The following FBL variants were observed in gnomAD, a reference collection of about 807,000 sequenced individuals.
FBL encodes fibrillarin rRNA 2'-O-methyltransferase, also known as rRNA 2'-O-methyltransferase fibrillarin.
In FBL, 10 loss-of-function variants were observed where a neutral mutation model predicts 42.2. The observed-to-expected ratio is 0.24, with a 90% CI of 0.15 to 0.40. The LOEUF is 0.40. Ranked by LOEUF, FBL falls within the 10% of genes least tolerant of loss-of-function variation. FBL has a pLI of 1.00. For synonymous variants in FBL, 165 were observed against 165.4 expected (o/e 1.00, Z 0.02); for missense variants, 351 against 439.2 (o/e 0.80, Z 1.79).
intron 1 of FBL, among the ~76,000 whole-genome samples, chr19:39,845,842 C>A (rs1380579922): frequency 1.3e-5 from 2 of 152,154 alleles, no homozygotes; most frequent in African/African-American, 4.8e-5. Context: ...GTGGTGGCAG[C>A]GACAGGGAAG....
rs1271762494 is a variant in FBL at position 39,837,715 on chromosome 19, G to A, written c.678C>T (p.Leu226=). ...DARHPHKYRM[L]IAMVDVIFAD... is the part of the protein sequence containing the mutation. ...GGCCACCCCCAGACCCCTCACCGAT[G>A]AGCATGCGGTATTTGTGTGGGTGTC... is the stretch of plus-strand genomic sequence containing the variant. The change falls in exon 6 of 9, where the codon CTC becomes CTT. Residue 226 remains leucine, a synonymous_variant. Transcript: ENST00000221801. The A allele has an allele frequency of 2.5e-6, 4 of 1,571,712 alleles. No homozygotes were observed. The highest frequency in any genetic ancestry group is 2.3e-5 in the East Asian group (1 of 43,452).
At chr19:39,837,186 G>A (rs913982659) in intron 6 of FBL, among the ~76,000 whole-genome samples, 1 of 152,066 alleles carries the variant, frequency 6.6e-6, no homozygotes, top group African/African-American at 2.4e-5. Context: ...ATGAAAAGGT[G>A]GTATAATGAA....
At chr19:39,839,651 G>A (rs933403452) in intron 4 of FBL, among the ~76,000 whole-genome samples, 2 of 152,072 alleles carry the variant, frequency 1.3e-5, no homozygotes, top group Non-Finnish European at 2.9e-5. Context: ...AGGAGCAGGT[G>A]AAAATGGGAA....
chr19:39,837,478 G>A (rs146772516), intron 6 of FBL, among the ~76,000 whole-genome samples: 1 of 152,090 alleles, frequency 6.6e-6, no homozygotes, highest in Admixed American at 6.6e-5. Flanking sequence ...CTAGGAGATG[G>A]GGAGGAGACT....
intron 1 of FBL, among the ~76,000 whole-genome samples, chr19:39,845,995 T>C (rs373489568): frequency 2.6e-5 from 4 of 152,272 alleles, no homozygotes; most frequent in African/African-American, 9.6e-5. Flanking sequence ...GACCCTTGAG[T>C]GCCGCCTCCT....
intron 1 of FBL, among the ~76,000 whole-genome samples, chr19:39,841,125 GCAATGGCA>G (rs972917664): frequency 1.3e-5 from 2 of 152,088 alleles, no homozygotes; most frequent in African/African-American, 4.8e-5. Flanking sequence ...AGGTTGGAGA[GCAATGGCA>G]CAATCACAGC....
chr19:39,843,072 C>T (rs983295129), intron 1 of FBL, among the ~76,000 whole-genome samples: 5 of 152,196 alleles, frequency 3.3e-5, no homozygotes, highest in African/African-American at 1.2e-4. Flanking sequence ...TACCCTTACC[C>T]TGCTTTATTT....
intron 8 of FBL, 52 bp downstream of exon 8, chr19:39,834,616 G>A (rs1223971858): frequency 1.2e-6 from 2 of 1,613,878 alleles, no homozygotes; most frequent in Non-Finnish European, 8.5e-7. Context: ...TGGCACTCGG[G>A]GTGCAAGGGA....
chr19:39,836,524 C>A (rs779467775), intron 7 of FBL, 32 bp downstream of exon 7: 2 of 1,448,398 alleles, frequency 1.4e-6, no homozygotes, highest in Non-Finnish European at 1.9e-6. Flanking sequence ...AGAACACTGC[C>A]ACCCCATCTT....
chr19:39,845,170 C>G (rs12983225), intron 1 of FBL, among the ~76,000 whole-genome samples: 15,175 of 152,190 alleles, frequency 0.1, 903 homozygotes, highest in African/African-American at 0.16. Context: ...ACTAGGAAAA[C>G]AGACCCTTTG....
chr19:39,836,440 C>A, intron 7 of FBL, 116 bp downstream of exon 7: 2 of 617,112 alleles, frequency 3.2e-6, no homozygotes, highest in Non-Finnish European at 5.6e-6. Context: ...AAATCCAAAG[C>A]TATAGTTTTG....
rs1326923457 is a variant in FBL, at chr19:39,834,511, C to G, written c.*27G>C. The G allele has an allele frequency of 6.2e-7, 1 of 1,613,886 alleles. No homozygotes were observed. Among genetic ancestry groups the G allele is most frequent in the East Asian group, 2.2e-5 (1 of 44,880 alleles). ...CACGTGCAACAGTATCAACACACAT[C>G]TCTCGCAATCCTGACAGCGCTGAAC... On this transcript the variant is annotated 3_prime_UTR_variant, in exon 9 of 9. Coordinates refer to ENST00000221801, the MANE Select transcript of FBL (RefSeq NM_001436.4).
chr19:39,843,091 A>T (rs1969190978), intron 1 of FBL, among the ~76,000 whole-genome samples: 1 of 152,074 alleles, frequency 6.6e-6, no homozygotes, highest in Non-Finnish European at 1.5e-5. Flanking sequence ...TTCCCTTCAA[A>T]TCAATTATCA....
At chr19:39,845,293 G>A (rs1969241165) in intron 1 of FBL, among the ~76,000 whole-genome samples, 1 of 152,216 alleles carries the variant, frequency 6.6e-6, no homozygotes, top group Admixed American at 6.5e-5. Flanking sequence ...GGATTCTAAT[G>A]TTGTTCTCTT....
chr19:39,837,712 G>C lies in FBL; in HGVS notation c.681C>G (p.Ile227Met). Residue 227 changes from isoleucine (I) to methionine (M), a missense_variant and splice_region_variant, in exon 6 of 9, where the codon ATC becomes ATG. By Grantham distance (10) the Ile-to-Met change is conservative. Transcript: ENST00000221801. The stretch of plus-strand genomic sequence containing the variant: ...CGGGGCCACCCCCAGACCCCTCACC[G>C]ATGAGCATGCGGTATTTGTGTGGGT... ...ARHPHKYRML[I>M]AMVDVIFADV... is the part of the protein sequence containing the mutation. 15 of 1,569,256 alleles carry C rather than the reference G, an allele frequency of 9.6e-6. No individual in the cohort carries two copies. Among genetic ancestry groups the C allele is most frequent in the Non-Finnish European group, 1.3e-5 (15 of 1,159,938 alleles).
rs1192783820 is a variant in FBL at position 39,839,211 on chromosome 19, TGA to T, written c.379-8_379-7del. On this transcript the variant is annotated splice_polypyrimidine_tract_variant and splice_region_variant and intron_variant, in intron 4 of 8. Coordinates refer to ENST00000221801, the MANE Select transcript of FBL (RefSeq NM_001436.4). ...TCAATTTTGTCATCTCCTTCCTAGA[TGA>T]GAGATGGGGACAGAAGTCAGTGCTA... The T allele has an allele frequency of 2.5e-6, 4 of 1,606,856 alleles. No homozygotes were observed. In the African/African-American group the frequency reaches 4.0e-5, roughly 16 times the overall value.
chr19:39,840,549 C>G lies in FBL; in HGVS notation c.182-34G>C, dbSNP rs1969141811. On this transcript the variant is annotated intron_variant, in intron 2 of 8. Coordinates refer to ENST00000221801, the MANE Select transcript of FBL (RefSeq NM_001436.4). This position sits in a 1 kb window ranked among gnomAD's most constrained non-coding sequence, Gnocchi z 4.5. ...GAGAGGTACAACAGGAGAGAAAGAT[C>G]CTGAATCTCCGCCCTCCCCACTCCC... 1 of 1,613,330 alleles carries G rather than the reference C, an allele frequency of 6.2e-7. No individual in the cohort carries two copies. Among genetic ancestry groups the G allele is most frequent in the Non-Finnish European group, 8.5e-7 (1 of 1,179,568 alleles).
chr19:39,843,389 A>T (rs1969197281), intron 1 of FBL, among the ~76,000 whole-genome samples: 1 of 152,198 alleles, frequency 6.6e-6, no homozygotes. Flanking sequence ...TCGCATATGG[A>T]GAGATAGGCA....
chr19:39,843,843 C>T (rs1190461157), intron 1 of FBL, among the ~76,000 whole-genome samples: 2 of 152,162 alleles, frequency 1.3e-5, no homozygotes, highest in African/African-American at 2.4e-5. Flanking sequence ...ACCCACAGAG[C>T]ACATCACATA....
Sources: allele counts gnomAD v4.1 joint callset (sites outside exome capture counted in the v4.1 genomes callset), GRCh38; gene constraint gnomAD v4.1.1; non-coding constraint Gnocchi (gnomAD v3.1); transcripts MANE v1.5; gene names NCBI Gene and HGNC (gene_info 2026-07-23, HGNC 2026-07-21).